The following ATP2A3 variants were observed in gnomAD, a reference collection of about 807,000 sequenced individuals.
ATP2A3 encodes ATPase sarcoplasmic/endoplasmic reticulum Ca2+ transporting 3.
In ATP2A3, 61 loss-of-function variants were observed where a neutral mutation model predicts 106.8. The ratio of observed to expected loss-of-function variants is 0.57; its 90% confidence interval spans 0.46 to 0.71. The LOEUF is 0.71. ATP2A3 is among the 30% of genes least tolerant of loss of function. The probability of loss-of-function intolerance (pLI) is 0.00; values close to 1 mark genes in which losing one functional copy is unlikely to be tolerated. For synonymous variants in ATP2A3, 611 were observed against 609.3 expected, an observed-to-expected ratio of 1.00 and a Z score of -0.04; for missense variants, 1,201 against 1,423.5, an observed-to-expected ratio of 0.84 and a Z score of 2.52.
rs61731021 is a variant in ATP2A3 at position 3,929,439 on chromosome 17, C to T, written c.2751G>A (p.Ser917=). The change falls in exon 19 of 21, where the codon TCG becomes TCA. Residue 917 remains serine (S), a synonymous_variant. Transcript: ENST00000397041. This position sits in a 1 kb window ranked among gnomAD's most constrained non-coding sequence, Gnocchi z 4.3. ...GCATCCGCAGCAGCGACTGGTTCTCCGAGACGCTGCCAGGGCACAGGGTGC... is the reference window on the plus strand; with the variant it reads ...GCATCCGCAGCAGCGACTGGTTCTCTGAGACGCTGCCAGGGCACAGGGTGC... ...IEMCNALNSV[S]ENQSLLRMPP... 18,105 of 1,591,268 alleles carry T rather than the reference C, an allele frequency of 0.011. 1,727 individuals carry two copies. In the African/African-American group the frequency reaches 0.21, roughly 19 times the overall value.
At chr17:3,943,025 C>T (rs1359599563) in intron 11 of ATP2A3, among the ~76,000 whole-genome samples, 5 of 152,172 alleles carry the variant, frequency 3.3e-5, no homozygotes, top group Non-Finnish European at 5.9e-5. Flanking sequence ...CGGTGGCTCA[C>T]GCCTGTAATC....
rs1199464455 is a variant in ATP2A3 at position 3,930,212 on chromosome 17, G to GAGGGCATTGC, written c.2744+88_2744+89insGCAATGCCCT. ...CCAGGCCCTGCGCCCAGCCCACCTG[G>GAGGGCATTGC]ACCCCTGACCCTCAGACACTGATAC... is the stretch of plus-strand genomic sequence containing the variant. On this transcript the variant is annotated intron_variant, in intron 18 of 20. Transcript: ENST00000397041. The surrounding 1 kb of genome is among the most constrained non-coding windows in gnomAD (Gnocchi z 5.4). 3.4e-6 allele frequency: 4 copies of GAGGGCATTGC among 1,174,770 alleles called. No homozygotes were observed. The highest frequency in any genetic ancestry group is 1.8e-5 in the South Asian group (1 of 56,346). 72.8% of individuals were successfully genotyped at this position (1,174,770 alleles called of 1,614,324 possible). A position where few individuals can be genotyped will look rare whatever the true frequency, so the allele number is the denominator to read the frequency against.
At chr17:3,954,355 G>A (rs2054631652) in intron 1 of ATP2A3, among the ~76,000 whole-genome samples, 2 of 151,904 alleles carry the variant, frequency 1.3e-5, no homozygotes, top group Non-Finnish European at 1.5e-5. Context: ...CTCCCATGGT[G>A]CAGTCCCCCC....
In ATP2A3 at chr17:3,924,508, G is replaced by A. The variant is rs566998762; in HGVS notation, c.*914C>T. On this transcript the variant is annotated 3_prime_UTR_variant, in exon 21 of 21. Coordinates refer to ENST00000397041, the MANE Select transcript of ATP2A3 (RefSeq NM_005173.4). The surrounding 1 kb of genome is among the most constrained non-coding windows in gnomAD (Gnocchi z 6.4). The stretch of plus-strand genomic sequence containing the variant: ...CCCCCAGCTGTGCAGACAGCGCGGC[G>A]GCCGCACACTGGGCTGGGTAGAAGG... 4.4e-4 allele frequency: 139 copies of A among 317,218 alleles called. 1 individual carries two copies. Among genetic ancestry groups the A allele is most frequent in the East Asian group, 2.0e-3 (20 of 10,108 alleles). 19.7% of individuals were successfully genotyped at this position (317,218 alleles called of 1,614,324 possible).
In ATP2A3 at chr17:3,953,783, A is replaced by G. The variant is rs949987560; in HGVS notation, c.119-73T>C. On this transcript the variant is annotated intron_variant, in intron 1 of 20. Coordinates refer to ENST00000397041, the MANE Select transcript of ATP2A3 (RefSeq NM_005173.4). This position sits in a 1 kb window ranked among gnomAD's most constrained non-coding sequence, Gnocchi z 5.1. Reference sequence around the variant, plus strand: ...GTGGGTCACGCAGGGGCCTCGGGGGAGTCTGGCAGTGCCTCCCCACCGTGC... The same window carrying G: ...GTGGGTCACGCAGGGGCCTCGGGGGGGTCTGGCAGTGCCTCCCCACCGTGC... The G allele has an allele frequency of 3.0e-5, 46 of 1,509,314 alleles. No individual in the cohort carries two copies. Among genetic ancestry groups the G allele is most frequent in the Non-Finnish European group, 3.9e-5 (43 of 1,109,232 alleles). The allele number at this position is 1,509,314 out of a possible 1,614,324, so 93.5% of individuals were successfully genotyped here. A position where few individuals can be genotyped will look rare whatever the true frequency, so the allele number is the denominator to read the frequency against.
chr17:3,942,836 A>T, intron 11 of ATP2A3, 105 bp from the exon 12 acceptor site: 1 of 1,530,940 alleles, frequency 6.5e-7, no homozygotes, highest in South Asian at 1.1e-5. Flanking sequence ...TCTGTGTGGG[A>T]TGACATCTAC....
chr17:3,944,529 CCTGT>C (rs1031057084), intron 10 of ATP2A3, among the ~76,000 whole-genome samples, 171 bp downstream of exon 10: 1 of 152,084 alleles, frequency 6.6e-6, no homozygotes, highest in African/African-American at 2.4e-5. Context: ...GGTTCTGAAG[CCTGT>C]CTGCGGAAAG....
chr17:3,925,636 G>C lies in ATP2A3; in HGVS notation c.2981-195C>G, dbSNP rs561513592. 7.6e-6 allele frequency among the ~76,000 whole-genome samples: 1 copy of C among 131,764 alleles called. No individual in the cohort carries two copies. Among genetic ancestry groups the C allele is most frequent in the African/African-American group, 3.0e-5 (1 of 33,868 alleles). The allele number at this position is 131,764 out of a possible 152,430, so 86.4% of individuals were successfully genotyped here. ...TGCATCCAGGATCCATCCCCGCAAC[G>C]TCCCCCACGCCTCCTTCACTCCACT... On this transcript the variant is annotated intron_variant, in intron 20 of 20. Coordinates refer to ENST00000397041, the MANE Select transcript of ATP2A3 (RefSeq NM_005173.4). This position sits in a 1 kb window ranked among gnomAD's most constrained non-coding sequence, Gnocchi z 4.2.
At chr17:3,943,317 C>T in intron 11 of ATP2A3, 74 bp downstream of exon 11, 2 of 1,593,872 alleles carry the variant, frequency 1.3e-6, no homozygotes, top group Non-Finnish European at 1.7e-6. Flanking sequence ...ACTTCAGTGT[C>T]CTGTCTGCCT....
Position 3,941,383 on chromosome 17 carries a change from C to T in ATP2A3, c.1764+53G>A. Reference sequence around the variant, plus strand: ...CACCTGCTCAGCTGCTGCAGGGAGACTTGGCTCCTGCACCCACCTCGTACT... The same window carrying T: ...CACCTGCTCAGCTGCTGCAGGGAGATTTGGCTCCTGCACCCACCTCGTACT... On this transcript the variant is annotated intron_variant, in intron 13 of 20. Transcript: ENST00000397041. The T allele has an allele frequency of 1.9e-6, 3 of 1,613,218 alleles. No homozygotes were observed. In the South Asian group the frequency reaches 3.3e-5, roughly 18 times the overall value.
intron 20 of ATP2A3, chr17:3,927,109 C>T (rs1333811029): frequency 2.0e-6 from 2 of 985,422 alleles, no homozygotes; most frequent in Non-Finnish European, 2.4e-6. Flanking sequence ...CTGCTTTAAC[C>T]TCAAAGCCTG....
rs1160170082 is a variant in ATP2A3, at chr17:3,925,767, T to C, written c.2981-326A>G. ...TTCAGACACCAGGCTCATCCTTGCT[T>C]CTCTTGCCCATCACACACACCCAGG... is the stretch of plus-strand genomic sequence containing the variant. On this transcript the variant is annotated intron_variant, in intron 20 of 20. Coordinates refer to ENST00000397041, the MANE Select transcript of ATP2A3 (RefSeq NM_005173.4). This position sits in a 1 kb window ranked among gnomAD's most constrained non-coding sequence, Gnocchi z 4.2. 3.9e-5 allele frequency among the ~76,000 whole-genome samples: 6 copies of C among 151,998 alleles called. No homozygotes were observed. The highest frequency in any genetic ancestry group is 1.4e-4 in the African/African-American group (6 of 41,380).
At chr17:3,948,005 T>C (rs1168012313) in intron 7 of ATP2A3, 150 bp from the exon 8 acceptor site, 13 of 765,528 alleles carry the variant, frequency 1.7e-5, no homozygotes, top group Non-Finnish European at 2.7e-5. Context: ...CCTGTAGCTA[T>C]GTATGCACGG....
chr17:3,936,665 C>A lies in ATP2A3; in HGVS notation c.2322-196G>T. 1 of 641,240 alleles carries A rather than the reference C, an allele frequency of 1.6e-6. No individual in the cohort carries two copies. The highest frequency in any genetic ancestry group is 2.8e-5 in the East Asian group (1 of 35,740). 39.7% of individuals were successfully genotyped at this position (641,240 alleles called of 1,614,324 possible). ...CGGGCCTGGCCAGTCCTGCCTTCCCCAGTCCCAGCTCTGGATCCTGGACAT... is the reference window on the plus strand; with the variant it reads ...CGGGCCTGGCCAGTCCTGCCTTCCCAAGTCCCAGCTCTGGATCCTGGACAT... On this transcript the variant is annotated intron_variant, in intron 15 of 20. Transcript: ENST00000397041. The surrounding 1 kb of genome is among the most constrained non-coding windows in gnomAD (Gnocchi z 5.4).
intron 14 of ATP2A3, among the ~76,000 whole-genome samples, chr17:3,938,610 A>G (rs1360657164): frequency 6.7e-6 from 1 of 150,336 alleles, no homozygotes; most frequent in East Asian, 2.1e-4. Context: ...CAATGGCACA[A>G]TCTCGGCTCA....
chr17:3,929,177 G>A lies in ATP2A3; in HGVS notation c.2862+151C>T. On this transcript the variant is annotated intron_variant, in intron 19 of 20. Transcript: ENST00000397041. The surrounding 1 kb of genome is among the most constrained non-coding windows in gnomAD (Gnocchi z 4.3). ...CCAGGTCTGGGAGCTCCTGAAGGTG[G>A]GGCCACAGCTGGAGGTGGTGGCTGG... 2.8e-6 allele frequency: 2 copies of A among 709,942 alleles called. No individual in the cohort carries two copies. The highest frequency in any genetic ancestry group is 4.6e-6 in the Non-Finnish European group (2 of 431,586). The allele number at this position is 709,942 out of a possible 1,614,324, so 44.0% of individuals were successfully genotyped here.
intron 1 of ATP2A3, among the ~76,000 whole-genome samples, chr17:3,959,510 C>G (rs562039820): frequency 2.0e-5 from 3 of 152,202 alleles, no homozygotes; most frequent in Non-Finnish European, 4.4e-5. Flanking sequence ...GTAAGCGATG[C>G]CCCTGGGCTG....
chr17:3,951,817 G>A, intron 3 of ATP2A3, 132 bp from the exon 4 acceptor site: 1 of 934,926 alleles, frequency 1.1e-6, no homozygotes, highest in South Asian at 1.4e-5. Flanking sequence ...TTGGCTTGGA[G>A]AGGGCCACTC....
At chr17:3,962,773 G>A (rs747530337) in intron 1 of ATP2A3, among the ~76,000 whole-genome samples, 15 of 152,212 alleles carry the variant, frequency 9.9e-5, no homozygotes, top group Non-Finnish European at 2.2e-4. Flanking sequence ...CCAGGGACAG[G>A]CCAAGGGCTG....
Sources: gnomAD v4.1 joint callset for allele counts (sites outside exome capture counted in the v4.1 genomes callset) on GRCh38, gnomAD v4.1.1 for gene constraint, Gnocchi (gnomAD v3.1) non-coding constraint, MANE v1.5 for transcripts, NCBI Gene and HGNC (gene_info 2026-07-23, HGNC 2026-07-21) for gene names.